Variants in DAAM1 observed in about 807,000 individuals in gnomAD.
DAAM1 encodes dishevelled associated activator of morphogenesis 1, also known as disheveled-associated activator of morphogenesis 1.
In DAAM1, 52 loss-of-function variants were observed where a neutral mutation model predicts 130.0. The ratio of observed to expected loss-of-function variants is 0.40; its 90% CI spans 0.32 to 0.50. The LOEUF (loss-of-function observed/expected upper bound fraction) is 0.50. Ranked by LOEUF, DAAM1 falls within the 20% of genes least tolerant of loss-of-function variation. The pLI is 0.61. For synonymous variants in DAAM1, 452 were observed against 444.5 expected (o/e 1.02, Z -0.21); for missense variants, 1,134 against 1,303.8 (o/e 0.87, Z 2.01).
At chr14:59,252,080 G>C (rs1030389684) in intron 1 of DAAM1, among the ~76,000 whole-genome samples, 6 of 152,148 alleles carry the variant, frequency 3.9e-5, no homozygotes, top group Non-Finnish European at 8.8e-5. Flanking sequence ...CATATACTTA[G>C]CTCTCTCTAA....
intron 3 of DAAM1, among the ~76,000 whole-genome samples, chr14:59,313,698 G>A (rs1049171237): frequency 1.3e-5 from 2 of 152,186 alleles, no homozygotes; most frequent in African/African-American, 4.8e-5. Context: ...AAATACATTG[G>A]TAAGAGTGGG....
At chr14:59,281,312 C>T (rs1407451153) in intron 2 of DAAM1, among the ~76,000 whole-genome samples, 1 of 152,166 alleles carries the variant, frequency 6.6e-6, no homozygotes, top group African/African-American at 2.4e-5. Flanking sequence ...ACCCCTTGCC[C>T]TTGCTCACTA....
intron 1 of DAAM1, among the ~76,000 whole-genome samples, chr14:59,206,215 C>T (rs1888253280): frequency 6.6e-6 from 1 of 152,178 alleles, no homozygotes; most frequent in South Asian, 2.1e-4. Context: ...CTTAACCTCT[C>T]TTGATACATG....
At chr14:59,350,854 C>CT (rs1886264880) in intron 17 of DAAM1, among the ~76,000 whole-genome samples, 1 of 152,096 alleles carries the variant, frequency 6.6e-6, no homozygotes, top group Non-Finnish European at 1.5e-5. Flanking sequence ...TTCAGCCCTG[C>CT]TTTTTTTCTC....
intron 1 of DAAM1, among the ~76,000 whole-genome samples, chr14:59,226,299 T>C (rs1731626727): frequency 6.6e-6 from 1 of 152,228 alleles, no homozygotes; most frequent in South Asian, 2.1e-4. Context: ...AAGGGGATAT[T>C]TCTTTGTTCT....
intron 2 of DAAM1, among the ~76,000 whole-genome samples, chr14:59,290,046 G>A (rs944594084): frequency 1.3e-5 from 2 of 152,024 alleles, no homozygotes; most frequent in African/African-American, 4.8e-5. Context: ...GTACCTTAGT[G>A]ATGGGATCAT....
At chr14:59,229,274 C>T (rs1889033087) in intron 1 of DAAM1, among the ~76,000 whole-genome samples, 2 of 152,126 alleles carry the variant, frequency 1.3e-5, no homozygotes, top group Non-Finnish European at 2.9e-5. Context: ...TCCTTGAGAC[C>T]AGTGTGTCAT....
At chr14:59,207,303 A>G (rs753502183) in intron 1 of DAAM1, among the ~76,000 whole-genome samples, 1 of 152,192 alleles carries the variant, frequency 6.6e-6, no homozygotes, top group Admixed American at 6.5e-5. Flanking sequence ...TTGTTTTGCT[A>G]TGGACAAGAG....
intron 1 of DAAM1, among the ~76,000 whole-genome samples, chr14:59,238,487 T>C (rs902271599): frequency 6.6e-6 from 1 of 152,152 alleles, no homozygotes; most frequent in Non-Finnish European, 1.5e-5. Context: ...GTGATTTCTT[T>C]TGTTTCCCAC....
chr14:59,317,417 A>G (rs1884833497), intron 4 of DAAM1, among the ~76,000 whole-genome samples: 1 of 152,214 alleles, frequency 6.6e-6, no homozygotes, highest in Non-Finnish European at 1.5e-5. Context: ...CTGGCTAATC[A>G]CTATGATGTC....
At position 59,363,477 on chromosome 14, in the gene DAAM1, G is replaced by A. The variant is rs994410206; in HGVS notation, c.2695-174G>A. 3.6e-6 allele frequency: 3 copies of A among 824,366 alleles called. No individual in the cohort carries two copies. In the Admixed American group the frequency reaches 8.8e-5, roughly 24 times the overall value. The allele number at this position is 824,366 out of a possible 1,614,324, so 51.1% of individuals were successfully genotyped here. On this transcript the variant is annotated intron_variant, in intron 22 of 24. Transcript: ENST00000360909. ...GCGTGTGCACATGGGCATGGCTTTGGCATGGTGGGAGGAAGGGCAGGGGCA... is the reference window on the plus strand; with the variant it reads ...GCGTGTGCACATGGGCATGGCTTTGACATGGTGGGAGGAAGGGCAGGGGCA...
At chr14:59,342,159 C>T (rs938378530) in intron 16 of DAAM1, among the ~76,000 whole-genome samples, 3 of 152,126 alleles carry the variant, frequency 2.0e-5, no homozygotes, top group South Asian at 4.1e-4. Context: ...GAACTGGCCT[C>T]GTATCTGTCA....
At chr14:59,286,833 T>G (rs1004851232) in intron 2 of DAAM1, among the ~76,000 whole-genome samples, 45 of 152,084 alleles carry the variant, frequency 3.0e-4, no homozygotes, top group African/African-American at 1.1e-3. Flanking sequence ...ACTAGATAGA[T>G]TCACAGCTGA....
intron 1 of DAAM1, among the ~76,000 whole-genome samples, chr14:59,251,433 G>T (rs1384358525): frequency 2.2e-5 from 3 of 138,128 alleles, no homozygotes; most frequent in South Asian, 2.4e-4. Flanking sequence ...TCACTCCGCC[G>T]TGTTTTTTTT....
At chr14:59,326,895 T>C in intron 11 of DAAM1, 38 bp from the exon 12 acceptor site, 1 of 1,612,120 alleles carries the variant, frequency 6.2e-7, no homozygotes, top group Non-Finnish European at 8.5e-7. Flanking sequence ...GGACCTTTTA[T>C]ATTTTTTGTA....
intron 1 of DAAM1, among the ~76,000 whole-genome samples, chr14:59,202,241 C>CGTTTCAAGTTTCCCTCAGTCT (rs1888126083): frequency 6.6e-6 from 1 of 152,194 alleles, no homozygotes; most frequent in Non-Finnish European, 1.5e-5. Context: ...TGGGCAGGTC[C>CGTTTCAAGTTTCCCTCAGTCT]GTTTCAAGTT....
intron 5 of DAAM1, among the ~76,000 whole-genome samples, chr14:59,321,998 T>G (rs897851353): frequency 2.0e-5 from 3 of 152,230 alleles, no homozygotes; most frequent in Non-Finnish European, 2.9e-5. Context: ...AACGTTAGTA[T>G]GCAACAATAA....
chr14:59,330,682 C>G lies in DAAM1; in HGVS notation c.1554C>G (p.Leu518=), dbSNP rs1378836029. 1.2e-6 allele frequency: 2 copies of G among 1,608,896 alleles called. No homozygotes were observed. Among genetic ancestry groups the G allele is most frequent in the Admixed American group, 3.4e-5 (2 of 59,156 alleles). The part of the protein sequence containing the change: ...VADLTAQLHE[L]SRRAVCASIP... Reference sequence around the variant, plus strand: ...ACCTCACAGCACAGCTCCATGAGCTCAGCAGGGTGAGGTCTTCCGCTCAGC... The same window carrying G: ...ACCTCACAGCACAGCTCCATGAGCTGAGCAGGGTGAGGTCTTCCGCTCAGC... Residue 518 remains leucine, a synonymous_variant, in exon 13 of 25, where the codon CTC becomes CTG. Coordinates refer to ENST00000360909, the MANE Select transcript of DAAM1 (RefSeq NM_001270520.2).
At position 59,359,476 on chromosome 14, in the gene DAAM1, C is replaced by A. The variant is rs148831209; in HGVS notation, c.2605C>A (p.Arg869=). The change falls in exon 21 of 25, where the codon CGA becomes AGA. Residue 869 remains arginine, a synonymous_variant. Coordinates refer to ENST00000360909, the MANE Select transcript of DAAM1 (RefSeq NM_001270520.2). ...PSVLNLNEEL[R]DIPQAAKVNM... ...TGTTCTCAATCTAAATGAAGAATTG[C>A]GAGATATTCCTCAAGCTGCGAAAGT... 63 of 1,613,592 alleles carry A rather than the reference C, an allele frequency of 3.9e-5. 4 individuals are homozygous for A. The highest frequency in any genetic ancestry group is 2.2e-4 in the Admixed American group (13 of 60,022).
Sources: allele counts gnomAD v4.1 joint callset (sites outside exome capture counted in the v4.1 genomes callset), GRCh38; gene constraint gnomAD v4.1.1; transcripts MANE v1.5; gene names NCBI Gene and HGNC (gene_info 2026-07-23, HGNC 2026-07-21).